KIF26B: variants seen among roughly 807,000 people sequenced by gnomAD.
KIF26B encodes the protein kinesin family member 26B, also known as kinesin-like protein KIF26B.
Under a neutral mutation model 151.2 loss-of-function variants are expected in KIF26B, and 63 were observed. The ratio of observed to expected loss-of-function variants is 0.42; its 90% confidence interval spans 0.34 to 0.51. KIF26B has a LOEUF of 0.51. KIF26B is among the 20% of genes least tolerant of loss of function. The pLI is 0.07. For synonymous variants in KIF26B, 1,357 were observed against 1,262.1 expected (o/e 1.08, Z -1.59); for missense variants, 2,813 against 2,913.6 (o/e 0.97, Z 0.79).
At chr1:245,469,131 C>T (rs74478010) in intron 4 of KIF26B, among the ~76,000 whole-genome samples, 45 of 152,372 alleles carry the variant, frequency 3.0e-4, no homozygotes, top group African/African-American at 1.0e-3. Flanking sequence ...CCCTTGTTCC[C>T]TACCAGCATG....
At chr1:245,243,443 T>TACACAC (rs67823049) in intron 2 of KIF26B, among the ~76,000 whole-genome samples, 4,104 of 143,412 alleles carry the variant, frequency 0.029, 69 homozygotes, top group Non-Finnish European at 0.035. Context: ...TACATATATA[T>TACACAC]ATATACACAC....
intron 4 of KIF26B, among the ~76,000 whole-genome samples, chr1:245,538,789 G>A (rs746931319): frequency 1.3e-4 from 20 of 152,242 alleles, no homozygotes; most frequent in Admixed American, 5.2e-4. Flanking sequence ...CTAGTCCTCT[G>A]AGACATAGGC....
chr1:245,303,364 A>AG (rs1573763168), intron 2 of KIF26B, among the ~76,000 whole-genome samples: 1 of 150,382 alleles, frequency 6.6e-6, no homozygotes, highest in East Asian at 2.0e-4. Context: ...ACGCCCGGCT[A>AG]ATTTTTTGTA....
rs1238398622 is a variant in KIF26B at position 245,702,778 on chromosome 1, G to A, written c.*172G>A. ...GCGAGTTTTCTTTTGTTTTCTGTAG[G>A]AAAGGTGCAAACGTCAAACACCGTG... On this transcript the variant is annotated 3_prime_UTR_variant, in exon 15 of 15. Coordinates refer to ENST00000407071, the MANE Select transcript of KIF26B (RefSeq NM_018012.4). The surrounding 1 kb of genome is among the most constrained non-coding windows in gnomAD (Gnocchi z 4.1). 2 of 689,522 alleles carry A rather than the reference G, an allele frequency of 2.9e-6. No individual in the cohort carries two copies. Among genetic ancestry groups the A allele is most frequent in the South Asian group, 2.8e-5 (1 of 35,810 alleles). 42.7% of individuals were successfully genotyped at this position (689,522 alleles called of 1,614,324 possible).
intron 3 of KIF26B, among the ~76,000 whole-genome samples, chr1:245,414,151 T>G (rs1674360732): frequency 6.6e-6 from 1 of 152,164 alleles, no homozygotes; most frequent in Non-Finnish European, 1.5e-5. Flanking sequence ...CCCAGTGGAG[T>G]TAGCGTAGCC....
chr1:245,410,723 A>G (rs1674258241), intron 3 of KIF26B, among the ~76,000 whole-genome samples: 1 of 152,132 alleles, frequency 6.6e-6, no homozygotes, highest in Admixed American at 6.5e-5. Context: ...GGCTTGAGCC[A>G]CCCCACCTGG....
chr1:245,646,338 G>C (rs1039742647), intron 10 of KIF26B, 58 bp downstream of exon 10: 17 of 1,567,060 alleles, frequency 1.1e-5, no homozygotes, highest in Middle Eastern at 1.9e-4. Flanking sequence ...GGGACGCTTT[G>C]TTCAGTGCCA....
intron 2 of KIF26B, among the ~76,000 whole-genome samples, chr1:245,160,646 C>A (rs1417182497): frequency 6.7e-6 from 1 of 149,844 alleles, no homozygotes; most frequent in East Asian, 1.9e-4. Flanking sequence ...AAAAGAAAAT[C>A]TTTTATGTAA....
intron 2 of KIF26B, among the ~76,000 whole-genome samples, chr1:245,201,791 T>C (rs745694526): frequency 9.2e-5 from 14 of 152,224 alleles, no homozygotes; most frequent in Non-Finnish European, 2.1e-4. Context: ...ATTTCTCATT[T>C]TGCCATGTTT....
chr1:245,515,436 C>T (rs769578844), intron 4 of KIF26B, among the ~76,000 whole-genome samples: 3 of 152,108 alleles, frequency 2.0e-5, no homozygotes, highest in African/African-American at 7.2e-5. Context: ...GAATGTTTCC[C>T]GAACGGATAC....
At chr1:245,474,084 C>A (rs1291082788) in intron 4 of KIF26B, among the ~76,000 whole-genome samples, 1 of 149,152 alleles carries the variant, frequency 6.7e-6, no homozygotes, top group Non-Finnish European at 1.5e-5. Context: ...ACTGTAGTCA[C>A]CTACTGATCT....
chr1:245,348,080 T>C (rs1672493081), intron 2 of KIF26B, among the ~76,000 whole-genome samples: 1 of 152,262 alleles, frequency 6.6e-6, no homozygotes, highest in Non-Finnish European at 1.5e-5. Flanking sequence ...CCGTAGATCA[T>C]TCCCTCCTTC....
At chr1:245,562,132 A>C (rs1042415140) in intron 5 of KIF26B, among the ~76,000 whole-genome samples, 1 of 151,932 alleles carries the variant, frequency 6.6e-6, no homozygotes, top group African/African-American at 2.4e-5. Context: ...CTCAGACTTA[A>C]AGCACTTCTC....
At chr1:245,372,803 C>T (rs1342862466) in intron 3 of KIF26B, among the ~76,000 whole-genome samples, 1 of 152,196 alleles carries the variant, frequency 6.6e-6, no homozygotes, top group Non-Finnish European at 1.5e-5. Context: ...AGGATGGTAA[C>T]TGTCTTTTGC....
chr1:245,376,340 C>T (rs890301505), intron 3 of KIF26B, among the ~76,000 whole-genome samples: 4 of 152,070 alleles, frequency 2.6e-5, no homozygotes, highest in South Asian at 2.1e-4. Flanking sequence ...ATGGGGATTC[C>T]GGAGCAGGGG....
chr1:245,284,028 C>G (rs138832664), intron 2 of KIF26B, among the ~76,000 whole-genome samples: 1 of 152,188 alleles, frequency 6.6e-6, no homozygotes, highest in African/African-American at 2.4e-5. Context: ...CTACGCAATG[C>G]GGCTTCCCTC....
intron 3 of KIF26B, among the ~76,000 whole-genome samples, chr1:245,416,102 A>G (rs140984082): frequency 0.019 from 2,415 of 127,220 alleles, 77 homozygotes; most frequent in African/African-American, 0.069. Flanking sequence ...CCCCGTCTCT[A>G]GTAAAAATAC....
chr1:245,569,593 C>T (rs553063862), intron 5 of KIF26B, among the ~76,000 whole-genome samples: 8 of 151,666 alleles, frequency 5.3e-5, no homozygotes, highest in African/African-American at 1.9e-4. Context: ...GGCGACACAG[C>T]GAGACTCCAT....
intron 4 of KIF26B, among the ~76,000 whole-genome samples, chr1:245,431,049 A>G (rs1256325792): frequency 6.6e-6 from 1 of 152,168 alleles, no homozygotes; most frequent in Non-Finnish European, 1.5e-5. Flanking sequence ...TCCTGCCTCC[A>G]AACTCAAGAT....
Sources: gnomAD v4.1 joint callset for allele counts (sites outside exome capture counted in the v4.1 genomes callset) on GRCh38, gnomAD v4.1.1 for gene constraint, Gnocchi (gnomAD v3.1) non-coding constraint, MANE v1.5 for transcripts, NCBI Gene and HGNC (gene_info 2026-07-23, HGNC 2026-07-21) for gene names.